CACNA1E: variants seen among roughly 807,000 people sequenced by gnomAD.
CACNA1E encodes the protein calcium voltage-gated channel subunit alpha1 E.
CACNA1E carries 40 observed loss-of-function variants against 259.2 expected under a neutral mutation model. The observed-to-expected ratio is 0.15, with a 90% CI of 0.12 to 0.20. CACNA1E has a LOEUF of 0.20. Ranked by LOEUF, CACNA1E falls within the 10% of genes least tolerant of loss-of-function variation. CACNA1E has a pLI of 1.00. For missense variants in CACNA1E, 1,874 were observed against 3,040.1 expected, an observed-to-expected ratio of 0.62 and a Z score of 9.02; for synonymous variants, 1,104 against 1,138.5, an observed-to-expected ratio of 0.97 and a Z score of 0.61.
intron 8 of CACNA1E, 73 bp from the exon 9 acceptor site, chr1:181,715,265 C>A: frequency 1.1e-6 from 1 of 895,294 alleles, no homozygotes; most frequent in Non-Finnish European, 1.8e-6. Flanking sequence ...TGAAGTTGTC[C>A]CTGAGGGATT....
intron 2 of CACNA1E, among the ~76,000 whole-genome samples, chr1:181,459,554 A>G (rs1661673524): frequency 6.6e-6 from 1 of 152,196 alleles, no homozygotes; most frequent in African/African-American, 2.4e-5. Context: ...TCCACCTGTG[A>G]CTGGAGCGAT....
At chr1:181,395,183 G>A (rs1165544822) in intron 1 of CACNA1E, among the ~76,000 whole-genome samples, 1 of 152,154 alleles carries the variant, frequency 6.6e-6, no homozygotes, top group Non-Finnish European at 1.5e-5. Context: ...GGTGAGAAGT[G>A]ACTCGATCTT....
chr1:181,587,516 G>T (rs1223268283), intron 6 of CACNA1E, among the ~76,000 whole-genome samples: 1 of 152,198 alleles, frequency 6.6e-6, no homozygotes, highest in Non-Finnish European at 1.5e-5. Flanking sequence ...ATTTGAGCTG[G>T]ATAAAGAGCA....
intron 3 of CACNA1E, among the ~76,000 whole-genome samples, chr1:181,522,752 G>A (rs1013333389): frequency 2.6e-5 from 4 of 152,158 alleles, no homozygotes; most frequent in African/African-American, 4.8e-5. Flanking sequence ...AGTAAGTGTC[G>A]TATTCTCTGT....
chr1:181,618,339 T>C (rs1655417688), intron 6 of CACNA1E, among the ~76,000 whole-genome samples: 2 of 152,100 alleles, frequency 1.3e-5, no homozygotes, highest in African/African-American at 4.8e-5. Flanking sequence ...CCAAGGCAGG[T>C]GGATCACTTG....
At chr1:181,561,721 T>C (rs1649346081) in intron 3 of CACNA1E, among the ~76,000 whole-genome samples, 1 of 152,244 alleles carries the variant, frequency 6.6e-6, no homozygotes, top group Admixed American at 6.5e-5. Context: ...TTTGGGGCAA[T>C]TATGAATGTA....
At chr1:181,669,150 TAC>T (rs1648545418) in intron 7 of CACNA1E, 1 of 152,180 alleles carries the variant, frequency 6.6e-6, no homozygotes, top group African/African-American at 2.4e-5. Context: ...AAAAGTTGAA[TAC>T]AGAGTTAATA....
chr1:181,678,034 C>A (rs1324788912), intron 7 of CACNA1E, among the ~76,000 whole-genome samples: 1 of 152,086 alleles, frequency 6.6e-6, no homozygotes, highest in Admixed American at 6.5e-5. Flanking sequence ...GATGACCATG[C>A]GGGACATAGT....
chr1:181,687,146 A>G (rs917123519), intron 7 of CACNA1E, among the ~76,000 whole-genome samples: 13 of 152,044 alleles, frequency 8.6e-5, no homozygotes, highest in African/African-American at 3.1e-4. Context: ...GAACCATCTA[A>G]CCTCCAGTGG....
At chr1:181,354,750 A>C (rs1653299923) in intron 1 of CACNA1E, among the ~76,000 whole-genome samples, 1 of 151,964 alleles carries the variant, frequency 6.6e-6, no homozygotes, top group Admixed American at 6.5e-5. Flanking sequence ...TAGGGAGGAG[A>C]GGGTTTGGGG....
In CACNA1E at chr1:181,785,809, G is replaced by T; in HGVS notation, c.5776G>T (p.Val1926Phe). 1 of 1,605,294 alleles carries T rather than the reference G, an allele frequency of 6.2e-7. No individual in the cohort carries two copies. The highest frequency in any genetic ancestry group is 8.5e-7 in the Non-Finnish European group (1 of 1,176,150). The change falls in exon 43 of 48, where the codon GTT (valine) becomes TTT (phenylalanine). Residue 1926 changes from valine (V) to phenylalanine (F), a missense_variant. Val to Phe is a conservative substitution (Grantham distance 50, BLOSUM62 -1). Coordinates refer to ENST00000367573, the MANE Select transcript of CACNA1E (RefSeq NM_001205293.3). ...KALPYLQQDPVSGLSGRSGYP... is the reference protein window; with the variant it reads ...KALPYLQQDPFSGLSGRSGYP... ...CCTGCCTTACCTCCAGCAGGACCCC[G>T]TTTCAGGCCTGTGAGTAGCACCAAA...
chr1:181,657,218 G>A (rs116899046), intron 7 of CACNA1E, among the ~76,000 whole-genome samples: 1 of 152,064 alleles, frequency 6.6e-6, no homozygotes, highest in Non-Finnish European at 1.5e-5. Context: ...GCCGAATTTT[G>A]ATATAGCCCC....
chr1:181,500,248 C>A lies in CACNA1E; in HGVS notation c.267-10229C>A, dbSNP rs188485797. The stretch of plus-strand genomic sequence containing the variant: ...ATGAAGGTTGATCCAGCATGACTAC[C>A]ATTGAATACAGCAGTCACCGCCTTA... On this transcript the variant is annotated intron_variant, in intron 1 of 47. Transcript: ENST00000367573. 5.9e-3 allele frequency among the ~76,000 whole-genome samples: 894 copies of A among 152,298 alleles called. 4 individuals carry two copies. Among genetic ancestry groups the A allele is most frequent in the African/African-American group, 0.02 (842 of 41,556 alleles).
chr1:181,610,784 A>G (rs190540570), intron 6 of CACNA1E, among the ~76,000 whole-genome samples: 1 of 152,212 alleles, frequency 6.6e-6, no homozygotes, highest in East Asian at 1.9e-4. Flanking sequence ...GCTCAGCCCC[A>G]TGCACAACAG....
intron 25 of CACNA1E, among the ~76,000 whole-genome samples, chr1:181,747,403 A>G (rs1657186442): frequency 6.6e-6 from 1 of 151,606 alleles, no homozygotes; most frequent in South Asian, 2.1e-4. Context: ...TTGACAATTG[A>G]GCTGGAAAAT....
intron 2 of CACNA1E, among the ~76,000 whole-genome samples, chr1:181,465,954 G>C (rs952605111): frequency 1.3e-5 from 2 of 151,746 alleles, no homozygotes; most frequent in African/African-American, 4.9e-5. Flanking sequence ...TGACCCAGGG[G>C]TGTTATTTTC....
intron 2 of CACNA1E, among the ~76,000 whole-genome samples, chr1:181,432,268 G>T (rs1486497979): frequency 6.6e-6 from 1 of 152,112 alleles, no homozygotes; most frequent in Non-Finnish European, 1.5e-5. Context: ...CCCTGGAAAT[G>T]GCTGAGTTTC....
chr1:181,566,366 C>A (rs951697670), intron 3 of CACNA1E, among the ~76,000 whole-genome samples: 3 of 152,142 alleles, frequency 2.0e-5, no homozygotes, highest in African/African-American at 7.2e-5. Context: ...AACTGTGAAA[C>A]AACAATAAGA....
chr1:181,612,176 A>G (rs934552268), intron 6 of CACNA1E, among the ~76,000 whole-genome samples: 5 of 152,198 alleles, frequency 3.3e-5, no homozygotes, highest in African/African-American at 9.7e-5. Context: ...GGTAGGACCC[A>G]TCCCAACATC....
Sources: allele counts gnomAD v4.1 joint callset (sites outside exome capture counted in the v4.1 genomes callset), GRCh38; gene constraint gnomAD v4.1.1; transcripts MANE v1.5; gene names NCBI Gene and HGNC (gene_info 2026-07-23, HGNC 2026-07-21).